The following CNTNAP2 variants were observed in gnomAD, a reference collection of about 807,000 sequenced individuals.
The protein encoded by CNTNAP2 is contactin-associated protein-like 2.
In CNTNAP2, 98 loss-of-function variants were observed where a neutral mutation model predicts 155.2. The observed-to-expected ratio is 0.63, with a 90% CI of 0.54 to 0.75. The LOEUF (loss-of-function observed/expected upper bound fraction) is 0.75. Among genes scored for constraint, CNTNAP2 ranks in the 30% least tolerant of loss-of-function variants. CNTNAP2 has a pLI of 0.00. For missense variants in CNTNAP2, 1,727 were observed against 1,688.1 expected (o/e 1.02, Z -0.40); for synonymous variants, 651 against 631.2 (o/e 1.03, Z -0.47).
At chr7:147,437,524 GT>G (rs1047948299) in intron 10 of CNTNAP2, among the ~76,000 whole-genome samples, 2 of 151,960 alleles carry the variant, frequency 1.3e-5, no homozygotes, top group African/African-American at 4.8e-5. Flanking sequence ...GTATAAATTT[GT>G]TTTTGGTTTC....
At chr7:147,128,327 T>A (rs1801281073) in intron 6 of CNTNAP2, among the ~76,000 whole-genome samples, 1 of 152,238 alleles carries the variant, frequency 6.6e-6, no homozygotes. Flanking sequence ...CATTTATTGA[T>A]AGTATGTCTT....
chr7:146,521,200 A>T (rs954167511), intron 1 of CNTNAP2, among the ~76,000 whole-genome samples: 1 of 151,882 alleles, frequency 6.6e-6, no homozygotes, highest in African/African-American at 2.4e-5. Flanking sequence ...GCTCTTTAGG[A>T]TATAAAGTCT....
At chr7:147,369,040 G>A (rs1227660696) in intron 9 of CNTNAP2, among the ~76,000 whole-genome samples, 2 of 152,164 alleles carry the variant, frequency 1.3e-5, no homozygotes, top group African/African-American at 4.8e-5. Flanking sequence ...AACTTGCTGA[G>A]TTTAAGGACT....
chr7:147,562,113 A>T, intron 11 of CNTNAP2, 25 bp from the exon 12 acceptor site: 1 of 1,613,650 alleles, frequency 6.2e-7, no homozygotes, highest in Non-Finnish European at 8.5e-7. Context: ...TGCTGTGCTT[A>T]TGTAGGATAT....
At chr7:147,452,969 A>C (rs552092242) in intron 10 of CNTNAP2, among the ~76,000 whole-genome samples, 1 of 151,826 alleles carries the variant, frequency 6.6e-6, no homozygotes, top group South Asian at 2.1e-4. Flanking sequence ...GGGGGAAGGA[A>C]AGGAGGAAGG....
In CNTNAP2 at chr7:148,208,444, G is replaced by A. The variant is rs530474290; in HGVS notation, c.3011-8844G>A. Among the ~76,000 whole-genome samples, 3 of 152,250 alleles carry A rather than the reference G, an allele frequency of 2.0e-5. No individual in the cohort carries two copies. The South Asian group carries it at 6.2e-4, about 32-fold the overall frequency. On this transcript the variant is annotated intron_variant, in intron 18 of 23. Transcript: ENST00000361727. ...CTCTCCTGATGAGTGAGTATAGAGT[G>A]TGATGGAAGAGGAGCACTGGAGGGA...
chr7:148,251,029 C>T (rs532608739), intron 20 of CNTNAP2, among the ~76,000 whole-genome samples: 5 of 152,134 alleles, frequency 3.3e-5, no homozygotes, highest in African/African-American at 1.2e-4. Flanking sequence ...TATTTTTTAA[C>T]CCTTGTTCTA....
At chr7:148,212,655 CT>C (rs1345347975) in intron 18 of CNTNAP2, among the ~76,000 whole-genome samples, 1 of 152,036 alleles carries the variant, frequency 6.6e-6, no homozygotes, top group Non-Finnish European at 1.5e-5. Context: ...CTATTTTGGG[CT>C]TGTTAATTTA....
intron 1 of CNTNAP2, among the ~76,000 whole-genome samples, chr7:146,587,232 T>A (rs1798706394): frequency 6.6e-6 from 1 of 152,194 alleles, no homozygotes; most frequent in Admixed American, 6.5e-5. Context: ...CCTGCCTTTT[T>A]ATTAGCACCT....
chr7:148,330,803 A>AG (rs1797982739), intron 21 of CNTNAP2, among the ~76,000 whole-genome samples: 1 of 143,282 alleles, frequency 7.0e-6, no homozygotes, highest in African/African-American at 2.7e-5. Context: ...GGATGGATGG[A>AG]TGGATGGAGT....
chr7:147,829,927 G>A (rs181984534), intron 13 of CNTNAP2, among the ~76,000 whole-genome samples: 16 of 152,118 alleles, frequency 1.1e-4, no homozygotes, highest in Admixed American at 5.9e-4. Context: ...ATCCCACGGA[G>A]TCCCTGTAGA....
At chr7:146,395,826 G>GATAGAGGAGA (rs1563068432) in intron 1 of CNTNAP2, among the ~76,000 whole-genome samples, 13 of 116,764 alleles carry the variant, frequency 1.1e-4, no homozygotes, top group Non-Finnish European at 2.3e-4. Flanking sequence ...GATAGATAGA[G>GATAGAGGAGA]GAGAGAGAGA....
intron 20 of CNTNAP2, among the ~76,000 whole-genome samples, chr7:148,261,316 A>G (rs930890721): frequency 6.6e-6 from 1 of 152,062 alleles, no homozygotes; most frequent in African/African-American, 2.4e-5. Context: ...GTGCACCACC[A>G]TGCCCGGCTA....
Position 147,925,283 on chromosome 7 carries a change from A to AGCGCGC in CNTNAP2, c.2255+21567_2255+21572dup, listed in dbSNP as rs138137977. 2.7e-3 allele frequency among the ~76,000 whole-genome samples: 241 copies of AGCGCGC among 90,698 alleles called. 5 individuals carry two copies. The highest frequency in any genetic ancestry group is 3.8e-3 in the Admixed American group (34 of 8,898). The allele number at this position is 90,698 out of a possible 152,430, so 59.5% of individuals were successfully genotyped here. A position where few individuals can be genotyped will look rare whatever the true frequency, so the allele number is the denominator to read the frequency against. ...CATATAATGCAGACAAACACACACA[A>AGCGCGC]GCGCGCGCGCACACACACACACACA... On this transcript the variant is annotated intron_variant, in intron 14 of 23. Coordinates refer to ENST00000361727, the MANE Select transcript of CNTNAP2 (RefSeq NM_014141.6).
chr7:148,320,376 CTTTTTTTTTT>C (rs67424217), intron 21 of CNTNAP2, among the ~76,000 whole-genome samples: 2 of 63,386 alleles, frequency 3.2e-5, no homozygotes, highest in Non-Finnish European at 5.8e-5. Context: ...ATTTTTTTTT[CTTTTTTTTTT>C]TTTTTTTTTT....
intron 1 of CNTNAP2, among the ~76,000 whole-genome samples, chr7:146,540,728 G>A (rs1230567764): frequency 1.3e-5 from 2 of 152,058 alleles, no homozygotes; most frequent in Non-Finnish European, 2.9e-5. Flanking sequence ...ACGGCATGCA[G>A]TACTGCTCTT....
In CNTNAP2 at chr7:148,349,363, C is replaced by CT. The variant is rs200546936; in HGVS notation, c.3476-34285dup. Among the ~76,000 whole-genome samples, 817 of 150,106 alleles carry CT rather than the reference C, an allele frequency of 5.4e-3. 3 individuals carry two copies. Among genetic ancestry groups the CT allele is most frequent in the Non-Finnish European group, 8.4e-3 (572 of 67,724 alleles). ...GGGCCACACGTAAAACACACTAACA[C>CT]TAACGGTAGCTAATGAGCTTTAAAA... is the stretch of plus-strand genomic sequence containing the variant. On this transcript the variant is annotated intron_variant, in intron 21 of 23. Transcript: ENST00000361727.
chr7:146,230,720 A>C (rs1281091134), intron 1 of CNTNAP2, among the ~76,000 whole-genome samples: 1 of 152,182 alleles, frequency 6.6e-6, no homozygotes, highest in East Asian at 1.9e-4. Context: ...AGATTAATTA[A>C]AAGTTAATCT....
intron 1 of CNTNAP2, among the ~76,000 whole-genome samples, chr7:146,200,495 C>CATATATAT (rs10631041): frequency 1.4e-5 from 2 of 142,460 alleles, no homozygotes; most frequent in Non-Finnish European, 3.0e-5. Context: ...TCCGTCTAAA[C>CATATATAT]ATATATATAT....
Sources: allele counts gnomAD v4.1 joint callset (sites outside exome capture counted in the v4.1 genomes callset), GRCh38; gene constraint gnomAD v4.1.1; transcripts MANE v1.5; gene names NCBI Gene and HGNC (gene_info 2026-07-23, HGNC 2026-07-21).